The following GAS7 variants were observed in gnomAD, a reference collection of about 807,000 sequenced individuals.
GAS7 encodes the protein growth arrest specific 7.
A neutral mutation model predicts 71.1 loss-of-function variants in GAS7; 28 were observed. That is an observed-to-expected ratio of 0.39 (90% confidence interval 0.29 to 0.54). The LOEUF (loss-of-function observed/expected upper bound fraction) is 0.54, where lower values mean the gene tolerates loss of function less well. GAS7 is among the 20% of genes least tolerant of loss of function. The probability of loss-of-function intolerance (pLI) is 0.62; values close to 1 mark genes in which losing one functional copy is unlikely to be tolerated. For synonymous variants in GAS7, 258 were observed against 245.8 expected (o/e 1.05, Z -0.46); for missense variants, 436 against 627.8 (o/e 0.69, Z 3.27).
intron 1 of GAS7, among the ~76,000 whole-genome samples, chr17:10,106,631 C>T (rs1015697997): frequency 6.6e-6 from 1 of 152,304 alleles, no homozygotes. Context: ...CACCCACACA[C>T]CCTTCCCAGC....
chr17:10,034,129 T>A lies in GAS7; in HGVS notation c.184-14232A>T, dbSNP rs1396536263. On this transcript the variant is annotated intron_variant, in intron 1 of 13. Transcript: ENST00000432992. The surrounding 1 kb of genome is among the most constrained non-coding windows in gnomAD (Gnocchi z 4.4). ...GACCTACCACTGCTCTGTGCCACCG[T>A]GCGAAGAACACAGGATGGGAATCGG... The A allele has an allele frequency of 7.1e-6, 7 of 985,110 alleles. No homozygotes were observed. Among genetic ancestry groups the A allele is most frequent in the African/African-American group, 1.7e-5 (1 of 57,214 alleles). The allele number at this position is 985,110 out of a possible 1,614,324, so 61.0% of individuals were successfully genotyped here.
intron 1 of GAS7, among the ~76,000 whole-genome samples, chr17:10,050,677 T>G (rs1489542694): frequency 6.6e-6 from 1 of 152,204 alleles, no homozygotes; most frequent in Non-Finnish European, 1.5e-5. Flanking sequence ...TTCCCGTCTG[T>G]TAGCAGCCAG....
intron 3 of GAS7, among the ~76,000 whole-genome samples, chr17:9,975,469 C>T (rs1426325907): frequency 9.0e-6 from 1 of 111,502 alleles, no homozygotes; most frequent in Non-Finnish European, 1.8e-5. Context: ...CCTCCCTTCC[C>T]TTCGGGCTTC....
rs1053528753 is a variant in GAS7 at position 9,995,679 on chromosome 17, A to G, written c.305-13795T>C. 1.6e-4 allele frequency among the ~76,000 whole-genome samples: 25 copies of G among 152,320 alleles called. No homozygotes were observed. In the Middle Eastern group the frequency reaches 0.01, roughly 62 times the overall value. ...ACCCCTATCTAACCAGGATCTGCAA[A>G]AACAGGTGAGAATGCCTGTCTGTGA... On this transcript the variant is annotated intron_variant, in intron 2 of 13. Transcript: ENST00000432992.
At chr17:10,015,709 G>A (rs1033051856) in intron 2 of GAS7, among the ~76,000 whole-genome samples, 1 of 152,156 alleles carries the variant, frequency 6.6e-6, no homozygotes, top group African/African-American at 2.4e-5. Context: ...AGACTGCCGA[G>A]CAAAATTATT....
intron 1 of GAS7, among the ~76,000 whole-genome samples, chr17:10,132,065 G>A (rs1472161599): frequency 1.8e-5 from 2 of 109,250 alleles, no homozygotes; most frequent in Non-Finnish European, 3.3e-5. Context: ...ATAAAAACAT[G>A]TACTCAATAC....
At chr17:10,117,320 T>A (rs1387383811) in intron 1 of GAS7, among the ~76,000 whole-genome samples, 1 of 152,086 alleles carries the variant, frequency 6.6e-6, no homozygotes, top group Non-Finnish European at 1.5e-5. Flanking sequence ...TAATCCAGGA[T>A]TATCTCCCCA....
chr17:10,197,133 G>A (rs1280696319), intron 1 of GAS7, among the ~76,000 whole-genome samples: 2 of 152,062 alleles, frequency 1.3e-5, no homozygotes, highest in African/African-American at 2.4e-5. Flanking sequence ...ATCCTCAGGC[G>A]GACTCACCCT....
chr17:9,942,279 T>C (rs1365556434), intron 7 of GAS7, among the ~76,000 whole-genome samples: 2 of 152,016 alleles, frequency 1.3e-5, no homozygotes, highest in Non-Finnish European at 2.9e-5. Flanking sequence ...AGAAATATTT[T>C]AAAAAGATAT....
At chr17:10,033,504 G>C (rs958969448) in intron 1 of GAS7, among the ~76,000 whole-genome samples, 3 of 152,356 alleles carry the variant, frequency 2.0e-5, no homozygotes, top group Admixed American at 2.0e-4. Context: ...AAGTTCAGAA[G>C]CAAGGGAGGG....
chr17:9,985,418 G>A (rs1422138383), intron 2 of GAS7, among the ~76,000 whole-genome samples: 2 of 152,142 alleles, frequency 1.3e-5, no homozygotes. Flanking sequence ...TTGCCTCGCC[G>A]ATCTCTAAAT....
rs1045612725 is a variant in GAS7 at position 9,914,165 on chromosome 17, T to G, written c.*3063A>C. ...CTGTTGACTCTAGCCCTGGTCTTAA[T>G]TCACTGGCAATTTCATAGCCTCACT... On this transcript the variant is annotated 3_prime_UTR_variant, in exon 14 of 14. Coordinates refer to ENST00000432992, the MANE Select transcript of GAS7 (RefSeq NM_201433.2). 22 of 223,476 alleles carry G rather than the reference T, an allele frequency of 9.8e-5. No individual in the cohort carries two copies. The highest frequency in any genetic ancestry group is 4.7e-4 in the African/African-American group (21 of 44,880). 13.8% of individuals were successfully genotyped at this position (223,476 alleles called of 1,614,324 possible).
intron 2 of GAS7, among the ~76,000 whole-genome samples, chr17:9,982,472 AG>A (rs2070446762): frequency 6.6e-6 from 1 of 152,152 alleles, no homozygotes; most frequent in East Asian, 1.9e-4. Flanking sequence ...GCCCTGCTAC[AG>A]GCTCTAATCA....
intron 1 of GAS7, among the ~76,000 whole-genome samples, chr17:10,130,649 C>T (rs553448682): frequency 1.6e-4 from 24 of 152,304 alleles, no homozygotes; most frequent in African/African-American, 5.8e-4. Flanking sequence ...TCTATCCAAA[C>T]CAATGAACCA....
rs537781849 is a variant in GAS7 at position 10,181,137 on chromosome 17, A to G, written c.183+17071T>C. Among the ~76,000 whole-genome samples the G allele has an allele frequency of 6.8e-5, 10 of 146,432 alleles. No individual in the cohort carries two copies. The East Asian group carries it at 1.2e-3, about 17-fold the overall frequency. ...AGCACTTTGGGAGGCCAAGGCGGGC[A>G]CATCACGAGGTCAGGAGATCGAGAC... On this transcript the variant is annotated intron_variant, in intron 1 of 13. Transcript: ENST00000432992.
intron 2 of GAS7, among the ~76,000 whole-genome samples, chr17:9,999,137 A>C (rs915860483): frequency 1.3e-5 from 2 of 152,234 alleles, no homozygotes; most frequent in Non-Finnish European, 2.9e-5. Context: ...TTTTCTGAGA[A>C]ACTCGGCCTT....
At chr17:10,012,271 C>T (rs1201530629) in intron 2 of GAS7, among the ~76,000 whole-genome samples, 4 of 152,116 alleles carry the variant, frequency 2.6e-5, no homozygotes, top group African/African-American at 9.6e-5. Flanking sequence ...GCATGCCTGG[C>T]CTTCCAGTTA....
chr17:9,997,547 T>G (rs1464584396), intron 2 of GAS7, among the ~76,000 whole-genome samples: 1 of 152,212 alleles, frequency 6.6e-6, no homozygotes, highest in African/African-American at 2.4e-5. Flanking sequence ...CCCGCCATAC[T>G]AGCCAGCAAG....
At chr17:10,169,763 G>C (rs773252867) in intron 1 of GAS7, among the ~76,000 whole-genome samples, 2 of 152,136 alleles carry the variant, frequency 1.3e-5, no homozygotes, top group African/African-American at 2.4e-5. Context: ...ACAGCGGCTT[G>C]AAGACTATCT....
Sources: gnomAD v4.1 joint callset for allele counts (sites outside exome capture counted in the v4.1 genomes callset) on GRCh38, gnomAD v4.1.1 for gene constraint, Gnocchi (gnomAD v3.1) non-coding constraint, MANE v1.5 for transcripts, NCBI Gene and HGNC (gene_info 2026-07-23, HGNC 2026-07-21) for gene names.